The following CUBN variants were observed in gnomAD, a reference collection of about 807,000 sequenced individuals.
CUBN encodes cubilin.
Under a neutral mutation model 405.3 loss-of-function variants are expected in CUBN, and 282 were observed. The ratio of observed to expected loss-of-function variants is 0.70; its 90% CI spans 0.63 to 0.77. CUBN has a LOEUF of 0.77. Among genes scored for constraint, CUBN ranks in the 30% least tolerant of loss-of-function variants. The pLI is 0.00. For missense variants in CUBN, 4,514 were observed against 4,475.2 expected (o/e 1.01, Z -0.25); for synonymous variants, 1,684 against 1,617.0 (o/e 1.04, Z -0.99).
chr10:16,963,365 G>T (rs545300792), intron 31 of CUBN, among the ~76,000 whole-genome samples: 1 of 151,044 alleles, frequency 6.6e-6, no homozygotes, highest in African/African-American at 2.4e-5. Flanking sequence ...TTTTGTATTT[G>T]TAGTAGGGAC....
At chr10:16,988,717 G>T (rs932383391) in intron 29 of CUBN, among the ~76,000 whole-genome samples, 1 of 151,994 alleles carries the variant, frequency 6.6e-6, no homozygotes, top group Non-Finnish European at 1.5e-5. Context: ...TTCCTGTAAC[G>T]TCCATACTAT....
intron 4 of CUBN, among the ~76,000 whole-genome samples, chr10:17,126,151 A>C (rs960286807): frequency 6.6e-6 from 1 of 152,206 alleles, no homozygotes; most frequent in African/African-American, 2.4e-5. Flanking sequence ...AATTTTAAAC[A>C]TGAAGAGATT....
chr10:16,997,908 T>C (rs532592585), intron 28 of CUBN, among the ~76,000 whole-genome samples: 216 of 152,216 alleles, frequency 1.4e-3, no homozygotes, highest in African/African-American at 4.9e-3. Context: ...CTCAAATTCA[T>C]AAGGACATGA....
chr10:16,886,544 C>CTGTG (rs1388291378), intron 56 of CUBN, among the ~76,000 whole-genome samples: 4 of 114,030 alleles, frequency 3.5e-5, no homozygotes, highest in Admixed American at 1.7e-4. Flanking sequence ...TTCCTTTCCA[C>CTGTG]TGTGTGAAAG....
At chr10:16,847,268 C>T (rs1384188479) in intron 60 of CUBN, among the ~76,000 whole-genome samples, 1 of 152,088 alleles carries the variant, frequency 6.6e-6, no homozygotes, top group African/African-American at 2.4e-5. Context: ...TTGGCTAACA[C>T]AGTGAAACTT....
chr10:17,113,861 G>A (rs890027881), intron 8 of CUBN, among the ~76,000 whole-genome samples, 166 bp downstream of exon 8: 18 of 152,162 alleles, frequency 1.2e-4, no homozygotes, highest in African/African-American at 2.7e-4. Context: ...CCCTTTTGAC[G>A]TGGAATTGTG....
chr10:16,965,746 G>A (rs1843375387), intron 31 of CUBN: 1 of 195,510 alleles, frequency 5.1e-6, no homozygotes, highest in Non-Finnish European at 1.1e-5. Context: ...AATAGTAATA[G>A]AAGCAGGAGT....
At chr10:17,065,802 A>C (rs1442308901) in intron 21 of CUBN, among the ~76,000 whole-genome samples, 164 bp from the exon 22 acceptor site, 1 of 152,212 alleles carries the variant, frequency 6.6e-6, no homozygotes, top group African/African-American at 2.4e-5. Flanking sequence ...TTGCAAACTT[A>C]CGAAAGATTG....
At chr10:16,968,409 T>A (rs1297749671) in intron 31 of CUBN, among the ~76,000 whole-genome samples, 1 of 152,144 alleles carries the variant, frequency 6.6e-6, no homozygotes, top group Non-Finnish European at 1.5e-5. Context: ...CTAATCATAT[T>A]GCTTTTGCTT....
At position 16,890,541 on chromosome 10, in the gene CUBN, A is replaced by G; in HGVS notation, c.8599-14T>C. 1.2e-6 allele frequency: 2 copies of G among 1,614,114 alleles called. No homozygotes were observed. Among genetic ancestry groups the G allele is most frequent in the Non-Finnish European group, 1.7e-6 (2 of 1,179,998 alleles). On this transcript the variant is annotated splice_polypyrimidine_tract_variant and intron_variant, in intron 54 of 66. Transcript: ENST00000377833. ...TCCTGCCCACACCTAGCACGGACATACACAGAACTTTAATGCTCAAGGGTT... is the reference window on the plus strand; with the variant it reads ...TCCTGCCCACACCTAGCACGGACATGCACAGAACTTTAATGCTCAAGGGTT...
Position 16,907,538 on chromosome 10 carries a change from T to C in CUBN, c.7675A>G (p.Thr2559Ala). The C allele has an allele frequency of 6.2e-7, 1 of 1,614,166 alleles. No individual in the cohort carries two copies. The highest frequency in any genetic ancestry group is 8.5e-7 in the Non-Finnish European group (1 of 1,180,026). Reference protein sequence around the residue: ...TDGSRPYGGFTASYTSSEDAV... With the variant: ...TDGSRPYGGFAASYTSSEDAV... ...TCTTCACTGGAGGTATAGGAAGCAG[T>C]GAAGCCGCCATATGGCCTGGATCCA... The change falls in exon 49 of 67, where the codon ACT (threonine) becomes GCT (alanine). Residue 2559 changes from threonine to alanine, a missense_variant. Thr to Ala is a moderately conservative substitution (Grantham distance 58, BLOSUM62 0). Coordinates refer to ENST00000377833, the MANE Select transcript of CUBN (RefSeq NM_001081.4).
rs1213142589 is a variant in CUBN at position 16,970,576 on chromosome 10, C to CAAAAA, written c.4695+11903_4695+11907dup. On this transcript the variant is annotated intron_variant, in intron 31 of 66. Coordinates refer to ENST00000377833, the MANE Select transcript of CUBN (RefSeq NM_001081.4). ...GGGCAACAAGAGTGAAACTCCATCTCAAAAAAAAAAAAAAAATCAAAGTGG... is the reference window on the plus strand; with the variant it reads ...GGGCAACAAGAGTGAAACTCCATCTCAAAAAAAAAAAAAAAAAAAAATCAAAGTGG... Among the ~76,000 whole-genome samples, 99 of 121,602 alleles carry CAAAAA rather than the reference C, an allele frequency of 8.1e-4. 1 individual carries two copies. The highest frequency in any genetic ancestry group is 4.4e-3 in the Middle Eastern group (1 of 226). 79.8% of individuals were successfully genotyped at this position (121,602 alleles called of 152,430 possible).
At chr10:16,886,060 T>A (rs1435718338) in intron 56 of CUBN, among the ~76,000 whole-genome samples, 2 of 152,214 alleles carry the variant, frequency 1.3e-5, no homozygotes, top group Non-Finnish European at 2.9e-5. Flanking sequence ...CAAGCCTTCA[T>A]ATATCATGGG....
At chr10:16,827,814 T>C (rs1183540291) in intron 66 of CUBN, among the ~76,000 whole-genome samples, 1 of 152,262 alleles carries the variant, frequency 6.6e-6, no homozygotes, top group Non-Finnish European at 1.5e-5. Context: ...TTGGCCAGTC[T>C]AGTCTCAAAC....
chr10:17,093,878 CA>C (rs1357793325), intron 14 of CUBN, among the ~76,000 whole-genome samples: 3 of 151,532 alleles, frequency 2.0e-5, no homozygotes, highest in Non-Finnish European at 2.9e-5. Context: ...GGAATCAAAG[CA>C]AAAAAAGAAG....
chr10:17,067,527 A>G lies in CUBN; in HGVS notation c.3008+537T>C, dbSNP rs146059408. On this transcript the variant is annotated intron_variant, in intron 21 of 66. Transcript: ENST00000377833. The stretch of plus-strand genomic sequence containing the variant: ...TCAAGAGAGTTGTAGAACAATTTCA[A>G]GTGCCTAATATACATGAAATCAGAG... 4.6e-3 allele frequency among the ~76,000 whole-genome samples: 703 copies of G among 152,286 alleles called. 6 individuals carry two copies. The highest frequency in any genetic ancestry group is 0.016 in the African/African-American group (663 of 41,568).
Position 16,925,448 on chromosome 10 carries a change from A to C in CUBN, c.6463-24T>G, listed in dbSNP as rs75312629. 17,962 of 1,609,946 alleles carry C rather than the reference A, an allele frequency of 0.011. 111 individuals are homozygous for C. Among genetic ancestry groups the C allele is most frequent in the Non-Finnish European group, 0.014 (16,187 of 1,176,456 alleles). ...AGCTGGAAAGACAAATTAAAATTTC[A>C]TCAACTCCTTTACATTGCAAAAGAA... On this transcript the variant is annotated intron_variant, in intron 42 of 66. Coordinates refer to ENST00000377833, the MANE Select transcript of CUBN (RefSeq NM_001081.4).
intron 44 of CUBN, among the ~76,000 whole-genome samples, chr10:16,919,142 T>C (rs1347296117): frequency 6.6e-6 from 1 of 152,238 alleles, no homozygotes; most frequent in Non-Finnish European, 1.5e-5. Context: ...TTCCACACAA[T>C]GACTTGATAC....
At chr10:16,941,844 A>AAT (rs1054023315) in intron 36 of CUBN, among the ~76,000 whole-genome samples, 6 of 152,028 alleles carry the variant, frequency 3.9e-5, no homozygotes, top group Admixed American at 2.0e-4. Flanking sequence ...CTGTCCAGAA[A>AAT]ATATATATAT....
Sources: allele counts gnomAD v4.1 joint callset (sites outside exome capture counted in the v4.1 genomes callset), GRCh38; gene constraint gnomAD v4.1.1; transcripts MANE v1.5; gene names NCBI Gene and HGNC (gene_info 2026-07-23, HGNC 2026-07-21).